KIAA0040: variants seen among roughly 807,000 people sequenced by gnomAD.
KIAA0040 encodes KIAA0040.
A neutral mutation model predicts 7.2 loss-of-function variants in KIAA0040; 10 were observed. That is an observed-to-expected ratio of 1.38 (90% CI 0.85 to 2.34). The LOEUF is 2.34. KIAA0040 is among the 30% of genes most tolerant of loss of function. The pLI, the probability that KIAA0040 is intolerant of heterozygous loss-of-function variation, is 0.00. For missense variants in KIAA0040, 89 were observed against 108.2 expected (o/e 0.82, Z 0.79); for synonymous variants, 49 against 40.1 (o/e 1.22, Z -0.84).
At chr1:175,173,825 G>A (rs1677079041) in intron 2 of KIAA0040, among the ~76,000 whole-genome samples, 1 of 152,122 alleles carries the variant, frequency 6.6e-6, no homozygotes, top group African/African-American at 2.4e-5. Flanking sequence ...ATATATGCTG[G>A]GGCCCCAAGG....
intron 1 of KIAA0040, among the ~76,000 whole-genome samples, chr1:175,189,927 G>C (rs1459510557): frequency 6.6e-6 from 1 of 152,128 alleles, no homozygotes; most frequent in Non-Finnish European, 1.5e-5. Flanking sequence ...CAAGCTCAAG[G>C]TTTTTTCTTC....
intron 2 of KIAA0040, among the ~76,000 whole-genome samples, chr1:175,168,454 T>C (rs149882247): frequency 9.1e-4 from 138 of 152,290 alleles, no homozygotes; most frequent in African/African-American, 3.2e-3. Flanking sequence ...AGATAGTATT[T>C]TCCCCCAGAA....
chr1:175,160,521 G>A lies in KIAA0040; in HGVS notation c.*193C>T, dbSNP rs548872188. On this transcript the variant is annotated 3_prime_UTR_variant, in exon 4 of 4. Coordinates refer to ENST00000423313, the MANE Select transcript of KIAA0040 (RefSeq NM_014656.3). ...TATTGGACACATAGCTGCCAAGACA[G>A]TATCCAAGAATTGTCCACGTGGTCC... The A allele has an allele frequency of 4.5e-5, 27 of 600,190 alleles. No homozygotes were observed. The highest frequency in any genetic ancestry group is 6.4e-5 in the Non-Finnish European group (22 of 344,142). The allele number at this position is 600,190 out of a possible 1,614,324, so 37.2% of individuals were successfully genotyped here. A position where few individuals can be genotyped will look rare whatever the true frequency, so the allele number is the denominator to read the frequency against.
At chr1:175,184,391 A>G (rs1677573175) in intron 1 of KIAA0040, among the ~76,000 whole-genome samples, 1 of 151,934 alleles carries the variant, frequency 6.6e-6, no homozygotes, top group South Asian at 2.1e-4. Flanking sequence ...CTCCTGCCCC[A>G]CTCCCTACCC....
chr1:175,160,423 C>G lies in KIAA0040; in HGVS notation c.*291G>C. On this transcript the variant is annotated 3_prime_UTR_variant, in exon 4 of 4. Coordinates refer to ENST00000423313, the MANE Select transcript of KIAA0040 (RefSeq NM_014656.3). ...ATATTGAGATGTATGGATAAATGTT[C>G]TTTGTGCTTTGCATGTGGGGTATGC... 1 of 389,180 alleles carries G rather than the reference C, an allele frequency of 2.6e-6. No individual in the cohort carries two copies. Among genetic ancestry groups the G allele is most frequent in the Non-Finnish European group, 4.7e-6 (1 of 213,788 alleles). 24.1% of individuals were successfully genotyped at this position (389,180 alleles called of 1,614,324 possible). A position where few individuals can be genotyped will look rare whatever the true frequency, so the allele number is the denominator to read the frequency against.
chr1:175,187,070 AG>A (rs1677686261), intron 1 of KIAA0040, among the ~76,000 whole-genome samples: 1 of 152,220 alleles, frequency 6.6e-6, no homozygotes, highest in East Asian at 1.9e-4. Context: ...TTTACAAGAA[AG>A]GGGTTTCATA....
intron 1 of KIAA0040, among the ~76,000 whole-genome samples, chr1:175,186,040 CAAG>C (rs1389414910): frequency 8.6e-5 from 13 of 152,002 alleles, no homozygotes; most frequent in Non-Finnish European, 1.6e-4. Flanking sequence ...GAAGAGGGAA[CAAG>C]AAGAAGAAAT....
chr1:175,165,459 C>T (rs1676721702), intron 3 of KIAA0040, among the ~76,000 whole-genome samples: 1 of 152,198 alleles, frequency 6.6e-6, no homozygotes, highest in Non-Finnish European at 1.5e-5. Context: ...GGCTTTTCTT[C>T]CTCCTTCCTC....
intron 3 of KIAA0040, among the ~76,000 whole-genome samples, chr1:175,164,379 T>C (rs989163390): frequency 6.6e-6 from 1 of 152,212 alleles, no homozygotes; most frequent in Non-Finnish European, 1.5e-5. Flanking sequence ...GGGGAGTTAT[T>C]ACTATTGATA....
intron 1 of KIAA0040, among the ~76,000 whole-genome samples, chr1:175,181,526 G>T (rs1415497262): frequency 6.6e-6 from 1 of 151,686 alleles, no homozygotes; most frequent in Non-Finnish European, 1.5e-5. Context: ...TAGAAAACTT[G>T]CCAGCTATCT....
At position 175,160,999 on chromosome 1, in the gene KIAA0040, A is replaced by C; in HGVS notation, c.15T>G (p.Ser5Arg). The C allele has an allele frequency of 1.3e-6, 2 of 1,550,794 alleles. No individual in the cohort carries two copies. Among genetic ancestry groups the C allele is most frequent in the South Asian group, 2.4e-5 (2 of 83,914 alleles). Residue 5 changes from serine to arginine, a missense_variant, in exon 4 of 4, where the codon AGT (serine) becomes AGG (arginine). By Grantham distance (110) the Ser-to-Arg change is moderately radical. Transcript: ENST00000423313. MERI[S>R]AFFSSIWDTI... ...TGTCCCAGATAGAGCTGAAGAAGGC[A>C]CTGATTCTCTCCATGGTGCTTGGCT... is the stretch of plus-strand genomic sequence containing the variant.
intron 1 of KIAA0040, among the ~76,000 whole-genome samples, chr1:175,179,579 AG>A (rs1269602908): frequency 6.6e-6 from 1 of 152,198 alleles, no homozygotes; most frequent in Non-Finnish European, 1.5e-5. Context: ...CCTTGGGAAT[AG>A]GGGGTGAGGG....
chr1:175,172,913 CTA>C (rs1170326319), intron 2 of KIAA0040, among the ~76,000 whole-genome samples: 1 of 152,174 alleles, frequency 6.6e-6, no homozygotes, highest in Non-Finnish European at 1.5e-5. Flanking sequence ...CTGTAAAGCA[CTA>C]TATTTATTAT....
At chr1:175,186,978 T>C (rs912153110) in intron 1 of KIAA0040, among the ~76,000 whole-genome samples, 10 of 152,090 alleles carry the variant, frequency 6.6e-5, no homozygotes, top group African/African-American at 2.4e-4. Context: ...ACTCAGCAGA[T>C]TGTGGGCCTT....
chr1:175,187,329 G>A (rs548411230), intron 1 of KIAA0040, among the ~76,000 whole-genome samples: 3 of 152,230 alleles, frequency 2.0e-5, no homozygotes, highest in Non-Finnish European at 2.9e-5. Flanking sequence ...CAAATCACTC[G>A]GAAGGTCACT....
At chr1:175,175,080 A>G (rs184531152) in intron 2 of KIAA0040, among the ~76,000 whole-genome samples, 1 of 152,296 alleles carries the variant, frequency 6.6e-6, no homozygotes, top group African/African-American at 2.4e-5. Context: ...TGTTCCACAA[A>G]TAAAGGGAAA....
intron 1 of KIAA0040, among the ~76,000 whole-genome samples, chr1:175,186,148 C>T: frequency 6.6e-6 from 1 of 152,032 alleles, no homozygotes; most frequent in African/African-American, 2.4e-5. Flanking sequence ...GTACTAAATG[C>T]CACTAAGCTA....
intron 3 of KIAA0040, among the ~76,000 whole-genome samples, chr1:175,161,590 C>A (rs1301920376): frequency 6.6e-6 from 1 of 152,186 alleles, no homozygotes; most frequent in Non-Finnish European, 1.5e-5. Context: ...ACATAACTTG[C>A]CATTTTCAAA....
intron 1 of KIAA0040, among the ~76,000 whole-genome samples, chr1:175,189,875 T>C (rs906235854): frequency 6.6e-6 from 1 of 152,200 alleles, no homozygotes; most frequent in Non-Finnish European, 1.5e-5. Context: ...GGTCAGCTAA[T>C]AAGCAGTTAA....
Sources: gnomAD v4.1 joint callset for allele counts (sites outside exome capture counted in the v4.1 genomes callset) on GRCh38, gnomAD v4.1.1 for gene constraint, MANE v1.5 for transcripts, NCBI Gene and HGNC (gene_info 2026-07-23, HGNC 2026-07-21) for gene names.